Variants in ANKS1B observed in about 807,000 individuals in gnomAD.
ANKS1B encodes ankyrin repeat and sterile alpha motif domain containing 1B.
A neutral mutation model predicts 148.3 loss-of-function variants in ANKS1B; 36 were observed. That is an observed-to-expected ratio of 0.24 (90% CI 0.19 to 0.32). The LOEUF is 0.32. Among genes scored for constraint, ANKS1B ranks in the 10% least tolerant of loss-of-function variants. The probability of loss-of-function intolerance (pLI) is 1.00; values close to 1 mark genes in which losing one functional copy is unlikely to be tolerated. For synonymous variants in ANKS1B, 542 were observed against 560.8 expected, an observed-to-expected ratio of 0.97 and a Z score of 0.47; for missense variants, 1,157 against 1,542.6, an observed-to-expected ratio of 0.75 and a Z score of 4.19.
intron 19 of ANKS1B, among the ~76,000 whole-genome samples, chr12:98,810,589 C>CAT (rs769091594): frequency 4.5e-4 from 68 of 152,182 alleles, no homozygotes; most frequent in Non-Finnish European, 8.1e-4. Flanking sequence ...TTACTAAATT[C>CAT]ATATATATAT....
At chr12:99,510,638 T>C (rs1203857100) in intron 9 of ANKS1B, among the ~76,000 whole-genome samples, 1 of 152,000 alleles carries the variant, frequency 6.6e-6, no homozygotes, top group African/African-American at 2.4e-5. Flanking sequence ...CTGGTGAAGA[T>C]GCTGTGAACA....
intron 17 of ANKS1B, among the ~76,000 whole-genome samples, chr12:99,034,236 A>G (rs565681525): frequency 1.1e-3 from 170 of 152,306 alleles, no homozygotes; most frequent in Non-Finnish European, 1.9e-3. Context: ...CATGCAAGAG[A>G]GCGGCAGGGC....
chr12:99,113,107 T>C (rs1242148809), intron 15 of ANKS1B, among the ~76,000 whole-genome samples: 3 of 152,254 alleles, frequency 2.0e-5, no homozygotes, highest in African/African-American at 4.8e-5. Flanking sequence ...CCCTCTTTAA[T>C]GCAGTGTTTT....
intron 9 of ANKS1B, among the ~76,000 whole-genome samples, chr12:99,553,592 T>C (rs188369354): frequency 2.6e-5 from 4 of 152,324 alleles, no homozygotes; most frequent in Admixed American, 2.6e-4. Context: ...ATAGACAATA[T>C]ATAACAGAAT....
At chr12:99,032,941 G>C (rs557860168) in intron 17 of ANKS1B, among the ~76,000 whole-genome samples, 1 of 152,192 alleles carries the variant, frequency 6.6e-6, no homozygotes, top group East Asian at 1.9e-4. Flanking sequence ...AGATCAGTAA[G>C]TATATCATGG....
intron 14 of ANKS1B, among the ~76,000 whole-genome samples, chr12:99,191,847 G>T (rs528917430): frequency 1.3e-5 from 2 of 151,706 alleles, no homozygotes; most frequent in South Asian, 4.2e-4. Flanking sequence ...TATAATAAAA[G>T]AATTGGCTGG....
chr12:99,351,573 T>G (rs2091425804), intron 12 of ANKS1B, among the ~76,000 whole-genome samples: 1 of 152,072 alleles, frequency 6.6e-6, no homozygotes, highest in Non-Finnish European at 1.5e-5. Context: ...AATTAGTGTC[T>G]TTTCTTACCT....
At chr12:99,873,637 T>C (rs570471909) in intron 1 of ANKS1B, among the ~76,000 whole-genome samples, 4 of 152,212 alleles carry the variant, frequency 2.6e-5, no homozygotes, top group Non-Finnish European at 5.9e-5. Context: ...TCTTTCATCA[T>C]CAGTATATTC....
chr12:99,918,175 T>C (rs983929502), intron 1 of ANKS1B, among the ~76,000 whole-genome samples: 1 of 152,242 alleles, frequency 6.6e-6, no homozygotes, highest in Non-Finnish European at 1.5e-5. Flanking sequence ...GCGCAGTAGA[T>C]GAGTCAAACC....
intron 12 of ANKS1B, among the ~76,000 whole-genome samples, chr12:99,369,948 T>C (rs2093034043): frequency 6.6e-6 from 1 of 152,152 alleles, no homozygotes; most frequent in African/African-American, 2.4e-5. Flanking sequence ...TGGGCATACG[T>C]TAATTACACT....
At chr12:99,855,857 G>A (rs1183720287) in intron 1 of ANKS1B, among the ~76,000 whole-genome samples, 1 of 152,102 alleles carries the variant, frequency 6.6e-6, no homozygotes, top group Non-Finnish European at 1.5e-5. Flanking sequence ...ACAGTTCTTT[G>A]AACTGAATGA....
At chr12:99,481,906 G>C (rs2096416742) in intron 10 of ANKS1B, among the ~76,000 whole-genome samples, 1 of 151,638 alleles carries the variant, frequency 6.6e-6, no homozygotes, top group African/African-American at 2.4e-5. Context: ...TTTCTGATTT[G>C]AGTTCCTTGT....
chr12:99,311,688 C>A (rs1255758485), intron 12 of ANKS1B, among the ~76,000 whole-genome samples: 2 of 151,916 alleles, frequency 1.3e-5, no homozygotes, highest in African/African-American at 2.4e-5. Flanking sequence ...TTTTTGAAGT[C>A]AAAAATGTTC....
chr12:98,832,009 T>A lies in ANKS1B; in HGVS notation c.2886+20A>T, dbSNP rs200628593. ...CTTAAGATAAGGGCAGAGAACCAGA[T>A]GAATGTGCTTGGCACTTACCCTGAG... On this transcript the variant is annotated intron_variant, in intron 18 of 26. Transcript: ENST00000683438. 9 of 1,559,974 alleles carry A rather than the reference T, an allele frequency of 5.8e-6. No homozygotes were observed. The highest frequency in any genetic ancestry group is 7.8e-6 in the Non-Finnish European group (9 of 1,148,088).
chr12:99,695,545 G>A (rs916317800), intron 8 of ANKS1B, among the ~76,000 whole-genome samples: 14 of 152,286 alleles, frequency 9.2e-5, no homozygotes, highest in African/African-American at 3.4e-4. Flanking sequence ...TCTTATGCAT[G>A]GTGGTGCCTC....
At chr12:99,724,004 C>A (rs1276696181) in intron 8 of ANKS1B, among the ~76,000 whole-genome samples, 1 of 151,928 alleles carries the variant, frequency 6.6e-6, no homozygotes, top group Admixed American at 6.6e-5. Context: ...GGATAGGCAG[C>A]CTCAAATATC....
At chr12:99,779,777 G>C in intron 6 of ANKS1B, 94 bp downstream of exon 6, 1 of 922,238 alleles carries the variant, frequency 1.1e-6, no homozygotes, top group Non-Finnish European at 1.7e-6. Flanking sequence ...TTGTTCAAAA[G>C]TAAACACTAA....
At chr12:99,907,103 A>G (rs2093811578) in intron 1 of ANKS1B, among the ~76,000 whole-genome samples, 1 of 152,214 alleles carries the variant, frequency 6.6e-6, no homozygotes, top group South Asian at 2.1e-4. Context: ...AGTTTAGGGA[A>G]CAGAAAATAC....
chr12:98,821,614 CTT>C (rs1041822557), intron 19 of ANKS1B, among the ~76,000 whole-genome samples: 7 of 152,118 alleles, frequency 4.6e-5, no homozygotes, highest in South Asian at 2.1e-4. Flanking sequence ...AATACTGAGA[CTT>C]TTTCTTTTTT....
Sources: gnomAD v4.1 joint callset for allele counts (sites outside exome capture counted in the v4.1 genomes callset) on GRCh38, gnomAD v4.1.1 for gene constraint, MANE v1.5 for transcripts, NCBI Gene and HGNC (gene_info 2026-07-23, HGNC 2026-07-21) for gene names.